ZFPM2: variants seen among roughly 807,000 people sequenced by gnomAD.
ZFPM2 encodes the protein zinc finger protein ZFPM2.
A neutral mutation model predicts 98.6 loss-of-function variants in ZFPM2; 20 were observed. The observed-to-expected ratio is 0.20, with a 90% CI of 0.14 to 0.29. The LOEUF (loss-of-function observed/expected upper bound fraction) is 0.29. ZFPM2 is among the 10% of genes least tolerant of loss of function. The pLI, the probability that ZFPM2 is intolerant of heterozygous loss-of-function variation, is 1.00. For synonymous variants in ZFPM2, 518 were observed against 502.7 expected, an observed-to-expected ratio of 1.03 and a Z score of -0.41; for missense variants, 1,310 against 1,388.6, an observed-to-expected ratio of 0.94 and a Z score of 0.90.
intron 5 of ZFPM2, among the ~76,000 whole-genome samples, chr8:105,696,043 G>A (rs544796562): frequency 1.3e-4 from 20 of 152,080 alleles, no homozygotes; most frequent in Non-Finnish European, 2.4e-4. Context: ...TCAGTAATTA[G>A]GGCTCATCTC....
chr8:105,783,227 T>C (rs1813308534), intron 5 of ZFPM2, among the ~76,000 whole-genome samples: 1 of 148,194 alleles, frequency 6.7e-6, no homozygotes, highest in Non-Finnish European at 1.5e-5. Flanking sequence ...TTTTTTTTTT[T>C]TTTTTTTGGT....
chr8:105,685,216 GTCAA>G (rs1247440709), intron 5 of ZFPM2, among the ~76,000 whole-genome samples: 1 of 152,012 alleles, frequency 6.6e-6, no homozygotes, highest in Non-Finnish European at 1.5e-5. Context: ...TTGACATGTG[GTCAA>G]TCAGATTAAG....
intron 5 of ZFPM2, among the ~76,000 whole-genome samples, chr8:105,706,797 CT>C (rs1811273861): frequency 1.3e-5 from 2 of 152,140 alleles, no homozygotes; most frequent in Admixed American, 6.5e-5. Flanking sequence ...CCAGGCTGAT[CT>C]TGAACTCCTG....
At chr8:105,359,198 C>G (rs894058088) in intron 1 of ZFPM2, among the ~76,000 whole-genome samples, 2 of 152,022 alleles carry the variant, frequency 1.3e-5, no homozygotes, top group Admixed American at 6.6e-5. Flanking sequence ...CTCGACTTCT[C>G]TCTCTCTCTT....
chr8:105,646,176 G>A (rs1157473326), intron 5 of ZFPM2, among the ~76,000 whole-genome samples: 1 of 151,974 alleles, frequency 6.6e-6, no homozygotes, highest in Non-Finnish European at 1.5e-5. Context: ...TCCAAGGGTG[G>A]GGTTTTCGGT....
At chr8:105,770,986 C>CT (rs1413116659) in intron 5 of ZFPM2, among the ~76,000 whole-genome samples, 2 of 152,074 alleles carry the variant, frequency 1.3e-5, no homozygotes, top group African/African-American at 4.8e-5. Flanking sequence ...CACTCCTGGC[C>CT]TTCCTAGGAT....
chr8:105,721,451 T>C (rs1325796509), intron 5 of ZFPM2, among the ~76,000 whole-genome samples: 1 of 151,936 alleles, frequency 6.6e-6, no homozygotes, highest in Non-Finnish European at 1.5e-5. Context: ...AAACAGAAAG[T>C]TTATCTTTTT....
At chr8:105,554,328 A>T (rs1814934637) in intron 3 of ZFPM2, among the ~76,000 whole-genome samples, 1 of 152,188 alleles carries the variant, frequency 6.6e-6, no homozygotes, top group South Asian at 2.1e-4. Flanking sequence ...GAAATGATCT[A>T]ACCCTCTTAG....
At chr8:105,546,549 CAA>C (rs1814704551) in intron 3 of ZFPM2, among the ~76,000 whole-genome samples, 1 of 128,366 alleles carries the variant, frequency 7.8e-6, no homozygotes. Context: ...AGCCTGGAAA[CAA>C]GAGCAAAGCT....
chr8:105,684,555 C>T (rs1006497275), intron 5 of ZFPM2, among the ~76,000 whole-genome samples: 3 of 152,054 alleles, frequency 2.0e-5, no homozygotes, highest in African/African-American at 7.2e-5. Flanking sequence ...TAAGATAGCA[C>T]TTCATTAGGC....
chr8:105,488,243 A>G (rs1301588652), intron 3 of ZFPM2, among the ~76,000 whole-genome samples: 1 of 152,226 alleles, frequency 6.6e-6, no homozygotes, highest in African/African-American at 2.4e-5. Context: ...TTCTAAATGT[A>G]TATGGAGTTT....
At chr8:105,674,343 A>G (rs1817650053) in intron 5 of ZFPM2, among the ~76,000 whole-genome samples, 1 of 152,210 alleles carries the variant, frequency 6.6e-6, no homozygotes, top group African/African-American at 2.4e-5. Flanking sequence ...AGACACATTG[A>G]CTGGGAAGAG....
chr8:105,495,355 C>T (rs1250632479), intron 3 of ZFPM2, among the ~76,000 whole-genome samples: 1 of 152,162 alleles, frequency 6.6e-6, no homozygotes, highest in African/African-American at 2.4e-5. Context: ...GGTAACAAAC[C>T]TGCACATTGT....
chr8:105,489,448 T>TA (rs1489973438), intron 3 of ZFPM2, among the ~76,000 whole-genome samples: 1,715 of 108,708 alleles, frequency 0.016, 89 homozygotes, highest in African/African-American at 0.063. Flanking sequence ...ATATATGTTT[T>TA]TATATATATA....
At chr8:105,389,115 C>T (rs1454382171) in intron 1 of ZFPM2, among the ~76,000 whole-genome samples, 2 of 149,330 alleles carry the variant, frequency 1.3e-5, no homozygotes, top group Admixed American at 6.7e-5. Flanking sequence ...GCCCACTTAA[C>T]AGAGTGATGT....
chr8:105,559,033 G>A (rs1253644281), intron 3 of ZFPM2, among the ~76,000 whole-genome samples: 2 of 152,016 alleles, frequency 1.3e-5, no homozygotes, highest in Admixed American at 6.6e-5. Context: ...ATATTGAGTC[G>A]TGTTGTCCCA....
intron 3 of ZFPM2, among the ~76,000 whole-genome samples, chr8:105,531,382 G>C (rs1814293521): frequency 6.6e-6 from 1 of 152,096 alleles, no homozygotes; most frequent in Non-Finnish European, 1.5e-5. Context: ...CAGGGGCCTT[G>C]GGGTTCCTTG....
At chr8:105,573,219 T>C (rs558232173) in intron 4 of ZFPM2, among the ~76,000 whole-genome samples, 91 of 152,172 alleles carry the variant, frequency 6.0e-4, no homozygotes, top group Admixed American at 1.2e-3. Context: ...GATGAGAGCA[T>C]AGGACAGGGA....
chr8:105,458,143 A>C (rs1377943066), intron 3 of ZFPM2, among the ~76,000 whole-genome samples: 1 of 152,194 alleles, frequency 6.6e-6, no homozygotes, highest in Non-Finnish European at 1.5e-5. Flanking sequence ...TCTTGCCTAC[A>C]GCAGAGTCTT....
Sources: allele counts gnomAD v4.1 joint callset (sites outside exome capture counted in the v4.1 genomes callset), GRCh38; gene constraint gnomAD v4.1.1; transcripts MANE v1.5; gene names NCBI Gene and HGNC (gene_info 2026-07-23, HGNC 2026-07-21).